Variants in INPP4B observed in about 807,000 individuals in gnomAD.
INPP4B encodes the protein inositol polyphosphate 4-phosphatase type II.
INPP4B carries 55 observed loss-of-function variants against 122.5 expected under a neutral mutation model. The ratio of observed to expected loss-of-function variants is 0.45; its 90% CI spans 0.36 to 0.56. INPP4B has a LOEUF of 0.56. INPP4B is among the 20% of genes least tolerant of loss of function. The pLI is 0.00. For synonymous variants in INPP4B, 403 were observed against 388.7 expected (o/e 1.04, Z -0.43); for missense variants, 1,000 against 1,097.7 (o/e 0.91, Z 1.26).
intron 7 of INPP4B, among the ~76,000 whole-genome samples, chr4:142,373,651 G>T (rs924929255): frequency 3.3e-5 from 5 of 151,930 alleles, no homozygotes; most frequent in African/African-American, 1.2e-4. Context: ...GAGCAAATAT[G>T]TAAGGCCTAG....
At chr4:142,611,910 C>A (rs779309392) in intron 2 of INPP4B, among the ~76,000 whole-genome samples, 1 of 152,190 alleles carries the variant, frequency 6.6e-6, no homozygotes, top group Non-Finnish European at 1.5e-5. Context: ...CTCAGGTGAT[C>A]CACCAGCCTC....
Position 142,474,573 on chromosome 4 carries a change from T to G in INPP4B, c.-190-11847A>C, listed in dbSNP as rs1381893681. Among the ~76,000 whole-genome samples, 3 of 152,174 alleles carry G rather than the reference T, an allele frequency of 2.0e-5. No individual in the cohort carries two copies. In the East Asian group the frequency reaches 5.8e-4, roughly 29 times the overall value. On this transcript the variant is annotated intron_variant, in intron 2 of 25. Coordinates refer to ENST00000262992, the MANE Select transcript of INPP4B (RefSeq NM_001101669.3). ...AGAGCTTTTAGCCCATCAGTCCTAC[T>G]TCTGTGTGAACCTAGCTGGAGGGCA...
At chr4:142,465,263 G>C (rs1817555168) in intron 2 of INPP4B, among the ~76,000 whole-genome samples, 1 of 151,852 alleles carries the variant, frequency 6.6e-6, no homozygotes, top group African/African-American at 2.4e-5. Flanking sequence ...CCCATTATGG[G>C]GTCATTCATT....
At chr4:142,778,201 C>G (rs998793954) in intron 1 of INPP4B, among the ~76,000 whole-genome samples, 1 of 152,152 alleles carries the variant, frequency 6.6e-6, no homozygotes, top group Non-Finnish European at 1.5e-5. Context: ...GTGGAAGTCT[C>G]TGACCTAGCA....
At chr4:142,647,733 G>A (rs376260711) in intron 2 of INPP4B, among the ~76,000 whole-genome samples, 13 of 152,216 alleles carry the variant, frequency 8.5e-5, no homozygotes, top group African/African-American at 2.9e-4. Context: ...GTCAGCTGAA[G>A]CAAATTACTT....
chr4:142,303,782 G>A (rs746541732), intron 9 of INPP4B, among the ~76,000 whole-genome samples: 1 of 152,062 alleles, frequency 6.6e-6, no homozygotes, highest in Non-Finnish European at 1.5e-5. Context: ...CTAGGAATCA[G>A]GGGTATTAAA....
chr4:142,048,056 T>TG (rs1480015667), intron 25 of INPP4B, among the ~76,000 whole-genome samples: 1 of 152,110 alleles, frequency 6.6e-6, no homozygotes, highest in Non-Finnish European at 1.5e-5. Flanking sequence ...CTCACCCCAG[T>TG]GGTCACCTTT....
intron 17 of INPP4B, among the ~76,000 whole-genome samples, chr4:142,159,725 A>C (rs144677054): frequency 1.0e-3 from 153 of 152,030 alleles, no homozygotes; most frequent in African/African-American, 3.6e-3. Context: ...GCCATGGTAC[A>C]CCTTCACGTT....
At chr4:142,072,652 C>G (rs185441689) in intron 25 of INPP4B, among the ~76,000 whole-genome samples, 189 of 150,978 alleles carry the variant, frequency 1.3e-3, no homozygotes, top group African/African-American at 4.6e-3. Flanking sequence ...CCAATAATGA[C>G]AGTAATAACA....
chr4:142,152,413 G>A (rs1293198849), intron 17 of INPP4B, among the ~76,000 whole-genome samples: 2 of 151,904 alleles, frequency 1.3e-5, no homozygotes, highest in African/African-American at 4.8e-5. Flanking sequence ...CTCTATAAAT[G>A]TAATGACTAT....
At chr4:142,581,555 AT>A (rs1560826527) in intron 2 of INPP4B, among the ~76,000 whole-genome samples, 8 of 14,414 alleles carry the variant, frequency 5.6e-4, no homozygotes, top group Non-Finnish European at 1.1e-3. Flanking sequence ...TTCCATTTCT[AT>A]CTATTAGAAA....
intron 2 of INPP4B, among the ~76,000 whole-genome samples, chr4:142,635,976 T>C (rs1400814922): frequency 6.6e-6 from 1 of 152,144 alleles, no homozygotes; most frequent in Non-Finnish European, 1.5e-5. Flanking sequence ...CCCACCCAAA[T>C]TTCACCTTGA....
At chr4:142,264,613 T>C (rs967488862) in intron 10 of INPP4B, among the ~76,000 whole-genome samples, 7 of 152,192 alleles carry the variant, frequency 4.6e-5, no homozygotes, top group African/African-American at 1.2e-4. Flanking sequence ...GTTCATAATA[T>C]GATTTATGGA....
intron 15 of INPP4B, among the ~76,000 whole-genome samples, chr4:142,177,909 C>T (rs1383572040): frequency 1.3e-5 from 2 of 152,136 alleles, no homozygotes; most frequent in Non-Finnish European, 2.9e-5. Context: ...TCCTTATTTT[C>T]CTATCCTCTT....
intron 1 of INPP4B, among the ~76,000 whole-genome samples, chr4:142,763,635 C>A (rs1425166807): frequency 6.6e-6 from 1 of 152,046 alleles, no homozygotes; most frequent in Non-Finnish European, 1.5e-5. Context: ...GTACTTGTTG[C>A]TTTTCTAAAG....
chr4:142,488,523 G>A (rs553581823), intron 2 of INPP4B, among the ~76,000 whole-genome samples: 3 of 152,164 alleles, frequency 2.0e-5, no homozygotes, highest in Admixed American at 2.0e-4. Context: ...TTTTCTCTAT[G>A]AGAATGTTTT....
At chr4:142,609,044 T>C (rs1466978060) in intron 2 of INPP4B, among the ~76,000 whole-genome samples, 3 of 152,144 alleles carry the variant, frequency 2.0e-5, no homozygotes, top group African/African-American at 7.2e-5. Flanking sequence ...GAAGTGCCTT[T>C]TTCTTCTTAC....
chr4:142,359,709 A>G (rs1222797685), intron 7 of INPP4B, among the ~76,000 whole-genome samples: 1 of 152,014 alleles, frequency 6.6e-6, no homozygotes, highest in Non-Finnish European at 1.5e-5. Context: ...TGTTGAGAAG[A>G]TAATAACACA....
At chr4:142,203,058 G>T (rs573628025) in intron 14 of INPP4B, among the ~76,000 whole-genome samples, 2 of 152,080 alleles carry the variant, frequency 1.3e-5, no homozygotes, top group African/African-American at 4.8e-5. Context: ...GAGAATCCAC[G>T]AGTGAAACTC....
Sources: allele counts gnomAD v4.1 joint callset (sites outside exome capture counted in the v4.1 genomes callset), GRCh38; gene constraint gnomAD v4.1.1; transcripts MANE v1.5; gene names NCBI Gene and HGNC (gene_info 2026-07-23, HGNC 2026-07-21).